Variants in PTPRQ observed in about 807,000 individuals in gnomAD.
PTPRQ encodes protein tyrosine phosphatase receptor type Q, also known as phosphatidylinositol phosphatase PTPRQ.
A neutral mutation model predicts 246.0 loss-of-function variants in PTPRQ; 199 were observed. The observed-to-expected ratio is 0.81, with a 90% CI of 0.72 to 0.91. The LOEUF is 0.91. Among genes scored for constraint, PTPRQ ranks in the 40% least tolerant of loss-of-function variants. The pLI, the probability that PTPRQ is intolerant of heterozygous loss-of-function variation, is 0.00. For missense variants in PTPRQ, 2,624 were observed against 2,528.4 expected (o/e 1.04, Z -0.81); for synonymous variants, 869 against 853.2 (o/e 1.02, Z -0.32).
intron 17 of PTPRQ, among the ~76,000 whole-genome samples, chr12:80,521,102 T>G (rs1592608965): frequency 6.6e-6 from 1 of 152,160 alleles, no homozygotes; most frequent in Non-Finnish European, 1.5e-5. Flanking sequence ...TGCATTTCTC[T>G]GATGGCCAGT....
chr12:80,539,983 T>C, intron 20 of PTPRQ, 39 bp downstream of exon 20: 2 of 1,384,358 alleles, frequency 1.4e-6, no homozygotes, highest in Non-Finnish European at 1.9e-6. Flanking sequence ...ATATGATTAA[T>C]TTAAAACTTA....
At chr12:80,612,804 AACTCTG>A (rs1310229026) in intron 28 of PTPRQ, among the ~76,000 whole-genome samples, 2 of 150,548 alleles carry the variant, frequency 1.3e-5, no homozygotes, top group African/African-American at 4.8e-5. Context: ...TGATTAAACA[AACTCTG>A]CTACATCCAC....
intron 25 of PTPRQ, among the ~76,000 whole-genome samples, chr12:80,580,379 G>A (rs544183950): frequency 6.6e-6 from 1 of 152,266 alleles, no homozygotes; most frequent in East Asian, 1.9e-4. Context: ...ACTCCAGGAA[G>A]CATGGAATGA....
chr12:80,507,613 C>G (rs568064643), intron 16 of PTPRQ, among the ~76,000 whole-genome samples: 57 of 151,958 alleles, frequency 3.8e-4, no homozygotes, highest in African/African-American at 1.3e-3. Flanking sequence ...GCAGGTCTCT[C>G]CATGTTTTAA....
intron 25 of PTPRQ, among the ~76,000 whole-genome samples, chr12:80,558,282 C>T (rs746706536): frequency 7.9e-5 from 12 of 151,792 alleles, no homozygotes; most frequent in Non-Finnish European, 1.6e-4. Flanking sequence ...ATTCTTCTGC[C>T]TCAGCCTCCC....
At chr12:80,500,052 T>A (rs1894750524) in intron 14 of PTPRQ, among the ~76,000 whole-genome samples, 1 of 152,024 alleles carries the variant, frequency 6.6e-6, no homozygotes, top group African/African-American at 2.4e-5. Context: ...TTGACCAAAA[T>A]TTTGTGTAGA....
chr12:80,616,372 G>A (rs1898762449), intron 30 of PTPRQ, 106 bp downstream of exon 30: 3 of 1,084,930 alleles, frequency 2.8e-6, no homozygotes, highest in Non-Finnish European at 3.7e-6. Flanking sequence ...TGATAAATAT[G>A]CATATATTAA....
chr12:80,638,313 A>G (rs1314060501), intron 35 of PTPRQ, among the ~76,000 whole-genome samples: 1 of 151,486 alleles, frequency 6.6e-6, no homozygotes, highest in Non-Finnish European at 1.5e-5. Flanking sequence ...CGCTCTCTCT[A>G]CTTGATTCTT....
At chr12:80,620,098 TA>T in intron 31 of PTPRQ, 55 bp from the exon 32 acceptor site, 1 of 1,481,186 alleles carries the variant, frequency 6.8e-7, no homozygotes. Context: ...TTTATAATTG[TA>T]AAAATATATT....
chr12:80,552,098 C>T (rs1413014223), intron 25 of PTPRQ, among the ~76,000 whole-genome samples: 1 of 152,040 alleles, frequency 6.6e-6, no homozygotes, highest in Non-Finnish European at 1.5e-5. Flanking sequence ...AGAATCCATG[C>T]ACTTAAGAAT....
intron 28 of PTPRQ, among the ~76,000 whole-genome samples, chr12:80,612,430 T>C (rs1230607561): frequency 6.6e-6 from 1 of 150,406 alleles, no homozygotes; most frequent in African/African-American, 2.4e-5. Context: ...AAGTTTTCAA[T>C]ACCATTAGCC....
intron 17 of PTPRQ, among the ~76,000 whole-genome samples, chr12:80,532,332 C>T (rs1009763677): frequency 1.9e-4 from 29 of 152,156 alleles, no homozygotes; most frequent in African/African-American, 6.5e-4. Flanking sequence ...AAGCAATTCT[C>T]GTGCCTCAGC....
At chr12:80,631,661 A>C (rs1262832015) in intron 33 of PTPRQ, among the ~76,000 whole-genome samples, 3 of 152,160 alleles carry the variant, frequency 2.0e-5, no homozygotes, top group Non-Finnish European at 4.4e-5. Flanking sequence ...AAATATGTTG[A>C]AGATAGAGCC....
At chr12:80,612,081 A>T (rs937792420) in intron 28 of PTPRQ, among the ~76,000 whole-genome samples, 1 of 150,398 alleles carries the variant, frequency 6.6e-6, no homozygotes, top group East Asian at 1.9e-4. Flanking sequence ...GTATGGAAGG[A>T]TATAACTATT....
chr12:80,570,799 A>G (rs1186176967), intron 25 of PTPRQ, among the ~76,000 whole-genome samples: 9 of 152,204 alleles, frequency 5.9e-5, no homozygotes, highest in Admixed American at 4.6e-4. Context: ...AGTTTTCTGC[A>G]TATGGCTAGC....
rs865924460 is a variant in PTPRQ, at chr12:80,455,080, G to A, written c.391-2495G>A. ...CCCAGCTACTCTGGGGGTTGAGGCA[G>A]GAGAGTCACTTGAACCCGGGAGGCA... On this transcript the variant is annotated intron_variant, in intron 3 of 44. Transcript: ENST00000644991. 1.1e-4 allele frequency among the ~76,000 whole-genome samples: 16 copies of A among 152,314 alleles called. No individual in the cohort carries two copies. The South Asian group carries it at 1.7e-3, about 16-fold the overall frequency.
At chr12:80,501,993 A>G (rs1229348536) in intron 14 of PTPRQ, among the ~76,000 whole-genome samples, 1 of 151,972 alleles carries the variant, frequency 6.6e-6, no homozygotes, top group African/African-American at 2.4e-5. Context: ...AATTTTGATA[A>G]GAAGTGGAGA....
intron 20 of PTPRQ, 109 bp downstream of exon 20, chr12:80,540,053 G>C: frequency 1.1e-6 from 1 of 936,234 alleles, no homozygotes. Context: ...ATTTAGACAC[G>C]TTCATTATAG....
intron 25 of PTPRQ, among the ~76,000 whole-genome samples, chr12:80,587,055 C>T (rs1897644186): frequency 6.6e-6 from 1 of 152,062 alleles, no homozygotes; most frequent in Non-Finnish European, 1.5e-5. Context: ...CTTATTGATA[C>T]TTTTATTGTT....
Sources: allele counts gnomAD v4.1 joint callset (sites outside exome capture counted in the v4.1 genomes callset), GRCh38; gene constraint gnomAD v4.1.1; transcripts MANE v1.5; gene names NCBI Gene and HGNC (gene_info 2026-07-23, HGNC 2026-07-21).